The following PTPN5 variants were observed in gnomAD, a reference collection of about 807,000 sequenced individuals.
PTPN5 encodes the protein tyrosine-protein phosphatase non-receptor type 5.
In PTPN5, 29 loss-of-function variants were observed where a neutral mutation model predicts 73.9. The ratio of observed to expected loss-of-function variants is 0.39; its 90% CI spans 0.29 to 0.54. The LOEUF (loss-of-function observed/expected upper bound fraction) is 0.54. Ranked by LOEUF, PTPN5 falls within the 20% of genes least tolerant of loss-of-function variation. PTPN5 has a pLI of 0.65. For missense variants in PTPN5, 652 were observed against 751.4 expected, an observed-to-expected ratio of 0.87 and a Z score of 1.55; for synonymous variants, 267 against 304.7, an observed-to-expected ratio of 0.88 and a Z score of 1.29.
In PTPN5 at chr11:18,776,990, T is replaced by C. The variant is rs529879375; in HGVS notation, c.-113-4919A>G. ...CAGCCTGACTAACATGGTGAAACCC[T>C]GTCTCTACTAAAAATACAAAATTAG... On this transcript the variant is annotated intron_variant, in intron 1 of 14. Coordinates refer to ENST00000358540, the MANE Select transcript of PTPN5 (RefSeq NM_006906.2). Among the ~76,000 whole-genome samples the C allele has an allele frequency of 1.4e-4, 22 of 151,934 alleles. No individual in the cohort carries two copies. The South Asian group carries it at 4.0e-3, about 27-fold the overall frequency.
intron 12 of PTPN5, among the ~76,000 whole-genome samples, chr11:18,731,565 T>G (rs1379041962): frequency 6.6e-6 from 1 of 152,198 alleles, no homozygotes; most frequent in Non-Finnish European, 1.5e-5. Context: ...TCTGGGGAAT[T>G]TCTACTCAGG....
At position 18,743,438 on chromosome 11, in the gene PTPN5, C is replaced by T. The variant is rs758146119; in HGVS notation, c.292-9G>A. 6.2e-7 allele frequency: 1 copy of T among 1,613,046 alleles called. No individual in the cohort carries two copies. Among genetic ancestry groups the T allele is most frequent in the Non-Finnish European group, 8.5e-7 (1 of 1,179,020 alleles). On this transcript the variant is annotated splice_polypyrimidine_tract_variant and intron_variant, in intron 4 of 14. Transcript: ENST00000358540. ...AGCACCCCACAGGCAAGCTGGGGCA[C>T]AGGGGAGCAGGCTGAGTATGGAGCC...
At chr11:18,738,442 AG>A (rs1266046796) in intron 8 of PTPN5, among the ~76,000 whole-genome samples, 1 of 152,214 alleles carries the variant, frequency 6.6e-6, no homozygotes, top group African/African-American at 2.4e-5. Context: ...CTGAGATCCC[AG>A]GAATATCTGC....
intron 3 of PTPN5, among the ~76,000 whole-genome samples, chr11:18,764,954 T>C (rs181358402): frequency 1.2e-4 from 19 of 152,248 alleles, no homozygotes; most frequent in Admixed American, 2.0e-4. Flanking sequence ...CCTCGTGATC[T>C]GCCCGCCTTG....
At position 18,743,478 on chromosome 11, in the gene PTPN5, G is replaced by A. The variant is rs367957911; in HGVS notation, c.292-49C>T. 1.4e-4 allele frequency: 213 copies of A among 1,541,258 alleles called. No individual in the cohort carries two copies. In the African/African-American group the frequency reaches 2.1e-3, roughly 15 times the overall value. Reference sequence around the variant, plus strand: ...AGTATGGAGCCGGCCCCCTTCCCCCGTGTTCCCCCAGCAGAGCTCACCTGC... The same window carrying A: ...AGTATGGAGCCGGCCCCCTTCCCCCATGTTCCCCCAGCAGAGCTCACCTGC... On this transcript the variant is annotated intron_variant, in intron 4 of 14. Coordinates refer to ENST00000358540, the MANE Select transcript of PTPN5 (RefSeq NM_006906.2).
intron 3 of PTPN5, among the ~76,000 whole-genome samples, chr11:18,755,811 C>A (rs1209994398): frequency 6.6e-6 from 1 of 152,002 alleles, no homozygotes; most frequent in African/African-American, 2.4e-5. Context: ...CGAGACCAGC[C>A]TGGCCAACAT....
At position 18,740,709 on chromosome 11, in the gene PTPN5, C is replaced by T. The variant is rs746315652; in HGVS notation, c.809G>A (p.Arg270His). 35 of 1,607,376 alleles carry T rather than the reference C, an allele frequency of 2.2e-5. No individual in the cohort carries two copies. The highest frequency in any genetic ancestry group is 5.1e-5 in the Admixed American group (3 of 59,386). ...EEGFGYLMSP[R>H]EESAREYLLS... ...CAGGTACTCGCGGGCGGACTCCTCA[C>T]GTGGGGACATGAGATAGCCAAAGCC... Residue 270 changes from arginine (R) to histidine (H), a missense_variant, in exon 8 of 15, where the codon CGT (arginine) becomes CAT (histidine). Physicochemically the swap from Arg to His is conservative, Grantham distance 29. This residue lies in a region of PTPN5 where 529 missense variants were observed against 573.9 expected (regional missense o/e 0.92). Coordinates refer to ENST00000358540, the MANE Select transcript of PTPN5 (RefSeq NM_006906.2).
chr11:18,776,138 G>C (rs1378580967), intron 1 of PTPN5, among the ~76,000 whole-genome samples: 2 of 152,146 alleles, frequency 1.3e-5, no homozygotes, highest in African/African-American at 2.4e-5. Context: ...CCTGCCCCCA[G>C]GTATGCAGTT....
At chr11:18,750,900 T>C (rs747430701) in intron 3 of PTPN5, among the ~76,000 whole-genome samples, 1 of 152,212 alleles carries the variant, frequency 6.6e-6, no homozygotes, top group Non-Finnish European at 1.5e-5. Context: ...TCTATGATTT[T>C]TCTCTTACTC....
In PTPN5 at chr11:18,742,148, T is replaced by C; in HGVS notation, c.725+114A>G. On this transcript the variant is annotated intron_variant, in intron 7 of 14. Transcript: ENST00000358540. The surrounding 1 kb of genome is among the most constrained non-coding windows in gnomAD (Gnocchi z 4.1). ...TAGCACATGTCTACACTGGCTAAGC[T>C]ATAAGGCCAGCTCTGCCCTGGGCAC... The C allele has an allele frequency of 6.9e-7, 1 of 1,444,394 alleles. No individual in the cohort carries two copies. Among genetic ancestry groups the C allele is most frequent in the Non-Finnish European group, 9.5e-7 (1 of 1,056,288 alleles). 89.5% of individuals were successfully genotyped at this position (1,444,394 alleles called of 1,614,324 possible).
chr11:18,777,094 G>T (rs908670262), intron 1 of PTPN5, among the ~76,000 whole-genome samples: 1 of 152,220 alleles, frequency 6.6e-6, no homozygotes, highest in South Asian at 2.1e-4. Flanking sequence ...CAGAGAGGCG[G>T]AAGTTGCAGT....
chr11:18,733,470 A>G lies in PTPN5; in HGVS notation c.1080+86T>C, dbSNP rs564985249. 60 of 1,611,110 alleles carry G rather than the reference A, an allele frequency of 3.7e-5. 1 individual carries two copies. In the South Asian group the frequency reaches 6.4e-4, roughly 17 times the overall value. On this transcript the variant is annotated intron_variant, in intron 10 of 14. Transcript: ENST00000358540. This position sits in a 1 kb window ranked among gnomAD's most constrained non-coding sequence, Gnocchi z 4.3. ...CTTCACAGGAGCTGGCAGGAGCCAG[A>G]CTGGTGTAGGGACAAGGCTGGAGGA...
At position 18,783,108 on chromosome 11, in the gene PTPN5, G is replaced by A. The variant is rs548821576; in HGVS notation, c.-114+8417C>T. Among the ~76,000 whole-genome samples the A allele has an allele frequency of 5.9e-5, 9 of 152,362 alleles. No individual in the cohort carries two copies. The South Asian group carries it at 1.9e-3, about 32-fold the overall frequency. On this transcript the variant is annotated intron_variant, in intron 1 of 14. Transcript: ENST00000358540. ...CTAACTCTTAGCCCACTGGCCTGAT[G>A]CTGCCCCGAAGGGGCCCCAGGAGGT...
chr11:18,752,062 C>T (rs557718739), intron 3 of PTPN5, among the ~76,000 whole-genome samples: 139 of 152,246 alleles, frequency 9.1e-4, no homozygotes, highest in Non-Finnish European at 1.3e-3. Context: ...AAAACCCCGT[C>T]TCTACTAAAA....
chr11:18,737,941 A>G lies in PTPN5; in HGVS notation c.939T>C (p.Asp313=). ...GCCCAGGGATGTCGTACTCTTTCGGATCCACAAAGTTCATGGGGATTTCCT... is the reference window on the plus strand; with the variant it reads ...GCCCAGGGATGTCGTACTCTTTCGGGTCCACAAAGTTCATGGGGATTTCCT... ...EFFEIPMNFV[D]PKEYDIPGLV... is the part of the protein sequence containing the mutation. Residue 313 remains aspartate, a synonymous_variant, in exon 9 of 15, where the codon GAT becomes GAC. Transcript: ENST00000358540. 1 of 1,614,100 alleles carries G rather than the reference A, an allele frequency of 6.2e-7. No homozygotes were observed. Among genetic ancestry groups the G allele is most frequent in the African/African-American group, 1.3e-5 (1 of 75,022 alleles).
In PTPN5 at chr11:18,733,900, C is replaced by A. The variant is rs575762837; in HGVS notation, c.1001-265G>T. ...CCTGTGCCTCTTAAGTTGCCCTATA[C>A]TCACTGCATCTTAGCTTCTGGAGAG... On this transcript the variant is annotated intron_variant, in intron 9 of 14. Transcript: ENST00000358540. The surrounding 1 kb of genome is among the most constrained non-coding windows in gnomAD (Gnocchi z 4.3). Among the ~76,000 whole-genome samples the A allele has an allele frequency of 3.7e-4, 57 of 152,324 alleles. No individual in the cohort carries two copies. The highest frequency in any genetic ancestry group is 1.3e-3 in the African/African-American group (55 of 41,564).
intron 2 of PTPN5, among the ~76,000 whole-genome samples, chr11:18,770,574 T>C (rs1037424919): frequency 6.6e-6 from 1 of 152,254 alleles, no homozygotes; most frequent in African/African-American, 2.4e-5. Flanking sequence ...TTCTACCTTT[T>C]GGCTATTTGT....
intron 7 of PTPN5, among the ~76,000 whole-genome samples, chr11:18,741,260 G>A (rs986547910): frequency 6.6e-6 from 1 of 152,172 alleles, no homozygotes; most frequent in African/African-American, 2.4e-5. Flanking sequence ...CTGCTGGTGA[G>A]TCAAGGACAT....
At chr11:18,746,809 C>T (rs564904525) in intron 3 of PTPN5, among the ~76,000 whole-genome samples, 2 of 152,262 alleles carry the variant, frequency 1.3e-5, no homozygotes, top group Admixed American at 1.3e-4. Flanking sequence ...AAAGCTACTG[C>T]TAAAAGAAGG....
Sources: allele counts gnomAD v4.1 joint callset (sites outside exome capture counted in the v4.1 genomes callset), GRCh38; gene constraint gnomAD v4.1.1; regional missense constraint gnomAD v4.1.1; non-coding constraint Gnocchi (gnomAD v3.1); transcripts MANE v1.5; gene names NCBI Gene and HGNC (gene_info 2026-07-23, HGNC 2026-07-21).